The following RARS1 variants were observed in gnomAD, a reference collection of about 807,000 sequenced individuals.
The protein encoded by RARS1 is arginyl-tRNA synthetase 1, also known as arginine--tRNA ligase, cytoplasmic.
Under a neutral mutation model 78.7 loss-of-function variants are expected in RARS1, and 75 were observed. The ratio of observed to expected loss-of-function variants is 0.95; its 90% CI spans 0.79 to 1.15. RARS1 has a LOEUF of 1.15. Ranked by LOEUF, RARS1 falls within the 50% of genes most tolerant of loss-of-function variation. The probability of loss-of-function intolerance (pLI) is 0.00; values close to 1 mark genes in which losing one functional copy is unlikely to be tolerated. For synonymous variants in RARS1, 273 were observed against 268.2 expected (o/e 1.02, Z -0.18); for missense variants, 787 against 787.5 (o/e 1.00, Z 0.01).
chr5:168,497,107 C>A, intron 6 of RARS1, 121 bp from the exon 7 acceptor site: 1 of 763,118 alleles, frequency 1.3e-6, no homozygotes, highest in Non-Finnish European at 1.9e-6. Context: ...ACAGATATTA[C>A]TAAATGGTGA....
chr5:168,493,356 G>A (rs1253994890), intron 3 of RARS1, among the ~76,000 whole-genome samples: 2 of 152,098 alleles, frequency 1.3e-5, no homozygotes, highest in African/African-American at 4.8e-5. Flanking sequence ...ATTGGAAGGG[G>A]TTACTCTGAA....
chr5:168,505,285 A>T (rs1022459349), intron 9 of RARS1, among the ~76,000 whole-genome samples: 2 of 152,224 alleles, frequency 1.3e-5, no homozygotes, highest in Non-Finnish European at 2.9e-5. Flanking sequence ...TAGCACTCTT[A>T]ATAGCTGCTA....
At chr5:168,492,508 C>T in intron 2 of RARS1, 151 bp from the exon 3 acceptor site, 1 of 614,184 alleles carries the variant, frequency 1.6e-6, no homozygotes, top group Non-Finnish European at 2.7e-6. Context: ...CATGTCTTAG[C>T]AAATCCCAGA....
At chr5:168,491,092 G>A (rs191670671) in intron 2 of RARS1, among the ~76,000 whole-genome samples, 1 of 152,258 alleles carries the variant, frequency 6.6e-6, no homozygotes, top group Non-Finnish European at 1.5e-5. Flanking sequence ...AGCCAAAATC[G>A]TGCCACTGCA....
At chr5:168,488,792 A>G in intron 2 of RARS1, 56 bp downstream of exon 2, 1 of 1,504,702 alleles carries the variant, frequency 6.6e-7, no homozygotes, top group Non-Finnish European at 8.9e-7. Context: ...TAGCTTTTTT[A>G]AAGCCTTTGT....
chr5:168,510,459 A>T (rs1402941093), intron 11 of RARS1, 122 bp from the exon 12 acceptor site: 19 of 723,664 alleles, frequency 2.6e-5, no homozygotes, highest in Admixed American at 5.5e-5. Context: ...GGCAATATGT[A>T]CCTTAGAGAT....
At chr5:168,495,283 C>T in intron 5 of RARS1, 32 bp from the exon 6 acceptor site, 2 of 1,608,124 alleles carry the variant, frequency 1.2e-6, no homozygotes, top group South Asian at 1.1e-5. Flanking sequence ...TTATGCCCCT[C>T]TTAACAGCCT....
chr5:168,502,225 C>G, intron 9 of RARS1, 120 bp downstream of exon 9: 1 of 1,375,014 alleles, frequency 7.3e-7, no homozygotes, highest in South Asian at 1.7e-5. Flanking sequence ...GTTATGGGTA[C>G]TGACCAACCT....
rs1402982962 is a variant in RARS1 at position 168,497,298 on chromosome 5, G to T, written c.772G>T (p.Asp258Tyr). 1.1e-5 allele frequency: 17 copies of T among 1,592,716 alleles called. No homozygotes were observed. Among genetic ancestry groups the T allele is most frequent in the Non-Finnish European group, 1.5e-5 (17 of 1,168,500 alleles). Residue 258 changes from aspartate to tyrosine, a missense_variant, in exon 7 of 15, where the codon GAT (aspartate) becomes TAT (tyrosine). Physicochemically the swap from Asp to Tyr is radical, Grantham distance 160. Transcript: ENST00000231572. Reference sequence around the variant, plus strand: ...CGCTCACCTGCAAGACAAATTTCCAGATTATCTAACAGTTTCACCTCCTAT... The same window carrying T: ...CGCTCACCTGCAAGACAAATTTCCATATTATCTAACAGTTTCACCTCCTAT... ...LIAHLQDKFP[D>Y]YLTVSPPIGD...
chr5:168,510,484 G>T (rs915189060), intron 11 of RARS1, 97 bp from the exon 12 acceptor site: 14 of 817,026 alleles, frequency 1.7e-5, no homozygotes, highest in Non-Finnish European at 2.6e-5. Flanking sequence ...AACATATGTT[G>T]CAGTTTTGTG....
At chr5:168,499,075 T>C (rs185217431) in intron 7 of RARS1, among the ~76,000 whole-genome samples, 31 of 152,246 alleles carry the variant, frequency 2.0e-4, no homozygotes, top group African/African-American at 7.5e-4. Flanking sequence ...CCTAGCACTT[T>C]GGGAGGCTGA....
chr5:168,502,253 C>T, intron 9 of RARS1, 148 bp downstream of exon 9: 3 of 1,140,124 alleles, frequency 2.6e-6, no homozygotes, highest in East Asian at 3.3e-5. Flanking sequence ...TCTATACCTT[C>T]TTACACTGCT....
chr5:168,502,287 A>T (rs1247382605), intron 9 of RARS1, among the ~76,000 whole-genome samples, 182 bp downstream of exon 9: 2 of 150,964 alleles, frequency 1.3e-5, no homozygotes, highest in African/African-American at 4.9e-5. Context: ...TCCATCTATA[A>T]TGACTTTGGT....
chr5:168,502,932 C>T (rs1423300929), intron 9 of RARS1, among the ~76,000 whole-genome samples: 2 of 152,116 alleles, frequency 1.3e-5, no homozygotes, highest in Non-Finnish European at 2.9e-5. Flanking sequence ...AGGTTTCTCC[C>T]TCTTTTTAAA....
At chr5:168,513,130 C>G (rs1253650028) in intron 12 of RARS1, among the ~76,000 whole-genome samples, 1 of 151,504 alleles carries the variant, frequency 6.6e-6, no homozygotes, top group Non-Finnish European at 1.5e-5. Context: ...ACTGCAAGCT[C>G]CGCCTCCCAT....
At chr5:168,495,146 T>C (rs1277029672) in intron 5 of RARS1, 169 bp from the exon 6 acceptor site, 1 of 1,176,058 alleles carries the variant, frequency 8.5e-7, no homozygotes, top group Non-Finnish European at 1.1e-6. Context: ...CATCATAAAA[T>C]CAAACATGGT....
At chr5:168,491,636 T>G (rs1472343456) in intron 2 of RARS1, among the ~76,000 whole-genome samples, 1 of 152,238 alleles carries the variant, frequency 6.6e-6, no homozygotes, top group Non-Finnish European at 1.5e-5. Context: ...TTTCCACTTA[T>G]TCTGTCTTGT....
chr5:168,506,151 ATT>A lies in RARS1; in HGVS notation c.1190_1191del (p.Phe397Ter). 6.3e-7 allele frequency: 1 copy of A among 1,586,100 alleles called. No homozygotes were observed. Among genetic ancestry groups the A allele is most frequent in the Non-Finnish European group, 8.6e-7 (1 of 1,166,722 alleles). ...SDLAAIKQRL[F>X]EEKADMIIYV... is the part of the protein sequence containing the mutation. Reference sequence around the variant, plus strand: ...ACCTGGCTGCTATTAAACAAAGACTATTTGAGGAAAAAGCAGATATGATTATC... The same window carrying A: ...ACCTGGCTGCTATTAAACAAAGACTATGAGGAAAAAGCAGATATGATTATC... On this transcript the variant is annotated frameshift_variant, in exon 10 of 15. Transcript: ENST00000231572. LOFTEE classifies it high-confidence loss of function.
chr5:168,517,742 C>T (rs993380737), intron 13 of RARS1, 73 bp from the exon 14 acceptor site: 27 of 1,542,928 alleles, frequency 1.7e-5, no homozygotes, highest in African/African-American at 8.3e-5. Context: ...GTGATAATTT[C>T]GAGTGGAGAA....
Sources: gnomAD v4.1 joint callset for allele counts (sites outside exome capture counted in the v4.1 genomes callset) on GRCh38, gnomAD v4.1.1 for gene constraint, MANE v1.5 for transcripts, NCBI Gene and HGNC (gene_info 2026-07-23, HGNC 2026-07-21) for gene names.